The following STK38L variants were observed in gnomAD, a reference collection of about 807,000 sequenced individuals.
STK38L encodes the protein serine/threonine-protein kinase 38-like.
STK38L carries 28 observed loss-of-function variants against 59.7 expected under a neutral mutation model. The observed-to-expected ratio is 0.47, with a 90% CI of 0.35 to 0.64. The LOEUF is 0.64. STK38L is among the 30% of genes least tolerant of loss of function. The pLI is 0.01. For synonymous variants in STK38L, 162 were observed against 176.8 expected, an observed-to-expected ratio of 0.92 and a Z score of 0.66; for missense variants, 314 against 555.8, an observed-to-expected ratio of 0.56 and a Z score of 4.37.
chr12:27,317,234 A>T (rs1328887246), intron 9 of STK38L, 102 bp from the exon 10 acceptor site: 11 of 753,848 alleles, frequency 1.5e-5, no homozygotes, highest in African/African-American at 3.5e-5. Context: ...ACAAGTGAAA[A>T]TTTAACTCCT....
intron 1 of STK38L, among the ~76,000 whole-genome samples, chr12:27,286,836 A>T (rs2136630660): frequency 6.6e-6 from 1 of 152,330 alleles, no homozygotes; most frequent in Admixed American, 6.5e-5. Context: ...ACTGGACCTC[A>T]CTAAGGGGGT....
intron 5 of STK38L, among the ~76,000 whole-genome samples, chr12:27,310,944 A>G (rs1442831136): frequency 6.6e-6 from 1 of 152,190 alleles, no homozygotes; most frequent in Non-Finnish European, 1.5e-5. Flanking sequence ...ACTCAATTCT[A>G]ATACATCAAT....
intron 11 of STK38L, 121 bp from the exon 12 acceptor site, chr12:27,319,205 CAT>C (rs1416900189): frequency 2.4e-5 from 15 of 614,066 alleles, no homozygotes; most frequent in Admixed American, 6.0e-5. Context: ...CTACAATAAA[CAT>C]AGTTAACATC....
intron 1 of STK38L, among the ~76,000 whole-genome samples, chr12:27,249,055 T>C (rs551458494): frequency 6.6e-6 from 1 of 152,314 alleles, no homozygotes; most frequent in African/African-American, 2.4e-5. Flanking sequence ...TGTGAGTAGG[T>C]CTATCAAAAG....
At chr12:27,260,082 G>C (rs1406610906) in intron 1 of STK38L, among the ~76,000 whole-genome samples, 1 of 152,046 alleles carries the variant, frequency 6.6e-6, no homozygotes, top group Non-Finnish European at 1.5e-5. Context: ...TCACTTGTTT[G>C]GTTATACAAG....
At chr12:27,253,733 T>C (rs56692889) in intron 1 of STK38L, among the ~76,000 whole-genome samples, 13,592 of 151,824 alleles carry the variant, frequency 0.09, 917 homozygotes, top group East Asian at 0.4. Flanking sequence ...TGAGGAGGAG[T>C]GTTTCAGGCC....
intron 1 of STK38L, among the ~76,000 whole-genome samples, chr12:27,248,447 C>A (rs1942903496): frequency 6.6e-6 from 1 of 152,144 alleles, no homozygotes; most frequent in Non-Finnish European, 1.5e-5. Flanking sequence ...AGGAATAGTC[C>A]ACATTTGTTA....
At chr12:27,265,361 C>T (rs1943281997) in intron 1 of STK38L, among the ~76,000 whole-genome samples, 1 of 152,118 alleles carries the variant, frequency 6.6e-6, no homozygotes, top group Non-Finnish European at 1.5e-5. Context: ...TTATGGCTTG[C>T]AAGTGCTATT....
chr12:27,322,531 T>C lies in STK38L; in HGVS notation c.*76T>C. The C allele has an allele frequency of 6.5e-7, 1 of 1,535,372 alleles. No homozygotes were observed. ...CAGGCTTGCTTGGCGTAGATAACAA[T>C]ACACTGAAATACTCCTGAAGATGGT... On this transcript the variant is annotated 3_prime_UTR_variant, in exon 14 of 14. Transcript: ENST00000389032.
intron 3 of STK38L, among the ~76,000 whole-genome samples, chr12:27,304,494 TTATC>T (rs1487095717): frequency 3.3e-5 from 5 of 152,098 alleles, no homozygotes; most frequent in Non-Finnish European, 7.4e-5. Flanking sequence ...ACATTTAAAA[TTATC>T]TATCATTATT....
chr12:27,277,073 A>C (rs373224702), intron 1 of STK38L, among the ~76,000 whole-genome samples: 1 of 152,164 alleles, frequency 6.6e-6, no homozygotes, highest in East Asian at 1.9e-4. Flanking sequence ...ATAACCCACC[A>C]AATTATCCCA....
chr12:27,300,775 A>C (rs1408082806), intron 2 of STK38L, among the ~76,000 whole-genome samples: 3 of 152,228 alleles, frequency 2.0e-5, no homozygotes, highest in Admixed American at 2.0e-4. Flanking sequence ...CTTAGGCCTC[A>C]TCCTCTCCAG....
At chr12:27,253,307 G>A (rs1033555434) in intron 1 of STK38L, among the ~76,000 whole-genome samples, 2 of 152,214 alleles carry the variant, frequency 1.3e-5, no homozygotes, top group Admixed American at 1.3e-4. Flanking sequence ...GTAAGTGGCA[G>A]TAGTGTATAT....
intron 1 of STK38L, among the ~76,000 whole-genome samples, chr12:27,291,717 G>A (rs1591902065): frequency 6.6e-6 from 1 of 152,148 alleles, no homozygotes; most frequent in South Asian, 2.1e-4. Context: ...ACAATCTGAG[G>A]ACTTATTGTA....
intron 1 of STK38L, among the ~76,000 whole-genome samples, chr12:27,289,925 G>A (rs1212477347): frequency 1.3e-5 from 2 of 152,120 alleles, no homozygotes; most frequent in African/African-American, 4.8e-5. Flanking sequence ...ATTTGTCAAA[G>A]AAGTAGGCTA....
chr12:27,305,523 A>G (rs1944289592), intron 3 of STK38L, among the ~76,000 whole-genome samples: 1 of 152,224 alleles, frequency 6.6e-6, no homozygotes, highest in Admixed American at 6.5e-5. Flanking sequence ...CTCAACCTTA[A>G]TATAAAGTAT....
chr12:27,265,291 A>G (rs1943280020), intron 1 of STK38L, among the ~76,000 whole-genome samples: 1 of 152,162 alleles, frequency 6.6e-6, no homozygotes, highest in Admixed American at 6.5e-5. Context: ...TGTGTATAGG[A>G]TCGTGCACTA....
rs770984065 is a variant in STK38L, at chr12:27,314,541, G to A, written c.555G>A (p.Leu185=). 1.3e-6 allele frequency: 2 copies of A among 1,596,970 alleles called. No homozygotes were observed. Among genetic ancestry groups the A allele is most frequent in the South Asian group, 2.3e-5 (2 of 88,458 alleles). The change falls in exon 7 of 14, where the codon TTG becomes TTA. Residue 185 remains leucine (L), a synonymous_variant. Transcript: ENST00000389032. Reference sequence around the variant, plus strand: ...CATTGCTAATGAAGAAAGACACCTTGACAGAAGAGGAAACACAGTTCTACA... The same window carrying A: ...CATTGCTAATGAAGAAAGACACCTTAACAGAAGAGGAAACACAGTTCTACA... ...MMTLLMKKDT[L]TEEETQFYIS...
chr12:27,297,871 T>C lies in STK38L; in HGVS notation c.134+17T>C. The C allele has an allele frequency of 1.2e-6, 2 of 1,612,040 alleles. No individual in the cohort carries two copies. Among genetic ancestry groups the C allele is most frequent in the Non-Finnish European group, 1.7e-6 (2 of 1,179,388 alleles). ...AGAAACCAGGTATAGTAAGGGCTAA[T>C]CAAAACTTTTTTTAGTTAAATAAGC... On this transcript the variant is annotated intron_variant, in intron 2 of 13. Coordinates refer to ENST00000389032, the MANE Select transcript of STK38L (RefSeq NM_015000.4).
Sources: allele counts gnomAD v4.1 joint callset (sites outside exome capture counted in the v4.1 genomes callset), GRCh38; gene constraint gnomAD v4.1.1; transcripts MANE v1.5; gene names NCBI Gene and HGNC (gene_info 2026-07-23, HGNC 2026-07-21).